Variants in CACNA2D3 observed in about 807,000 individuals in gnomAD.
CACNA2D3 encodes calcium voltage-gated channel auxiliary subunit alpha2delta 3, also known as voltage-dependent calcium channel subunit alpha-2/delta-3.
CACNA2D3 carries 60 observed loss-of-function variants against 160.6 expected under a neutral mutation model. The observed-to-expected ratio is 0.37, with a 90% confidence interval of 0.30 to 0.46. The LOEUF (loss-of-function observed/expected upper bound fraction) is 0.46, where lower values mean the gene tolerates loss of function less well. Among genes scored for constraint, CACNA2D3 ranks in the 20% least tolerant of loss-of-function variants. The pLI is 1.00. For missense variants in CACNA2D3, 1,205 were observed against 1,365.0 expected, an observed-to-expected ratio of 0.88 and a Z score of 1.85; for synonymous variants, 558 against 492.9, an observed-to-expected ratio of 1.13 and a Z score of -1.75.
chr3:54,914,419 C>T (rs1003388329), intron 27 of CACNA2D3, among the ~76,000 whole-genome samples: 1 of 152,124 alleles, frequency 6.6e-6, no homozygotes. Context: ...TCTCTAAGAC[C>T]CTTCTCAGAT....
intron 2 of CACNA2D3, among the ~76,000 whole-genome samples, chr3:54,173,989 A>G (rs2107314695): frequency 6.6e-6 from 1 of 152,318 alleles, no homozygotes; most frequent in Admixed American, 6.5e-5. Context: ...GTTTGATGCT[A>G]GCTAATTGGA....
intron 2 of CACNA2D3, among the ~76,000 whole-genome samples, chr3:54,220,748 G>A (rs753989320): frequency 1.2e-4 from 18 of 152,204 alleles, no homozygotes; most frequent in South Asian, 4.1e-4. Context: ...ACCGTGACAC[G>A]TTTGGGCTGT....
At chr3:54,578,007 C>T (rs757191454) in intron 8 of CACNA2D3, among the ~76,000 whole-genome samples, 64 of 152,270 alleles carry the variant, frequency 4.2e-4, no homozygotes, top group Non-Finnish European at 7.8e-4. Flanking sequence ...ATTTCCTTAC[C>T]GTGTAGTTGG....
rs1157056033 is a variant in CACNA2D3 at position 54,376,707 on chromosome 3, C to CTGCT, written c.322-10008_322-10007insTGCT. Among the ~76,000 whole-genome samples the CTGCT allele has an allele frequency of 3.9e-5, 6 of 152,270 alleles. No individual in the cohort carries two copies. In the East Asian group the frequency reaches 1.2e-3, roughly 29 times the overall value. On this transcript the variant is annotated intron_variant, in intron 3 of 37. Coordinates refer to ENST00000474759, the MANE Select transcript of CACNA2D3 (RefSeq NM_018398.3). ...CATAATTAATCATCATCATCAGCAG[C>CTGCT]AGCAGCAAGATAACATTAGTGGACA...
intron 13 of CACNA2D3, among the ~76,000 whole-genome samples, chr3:54,789,274 T>G (rs905090968): frequency 6.6e-6 from 1 of 152,196 alleles, no homozygotes; most frequent in Non-Finnish European, 1.5e-5. Context: ...AGATATGTGT[T>G]TTAAAAAAAC....
chr3:54,955,383 G>A (rs981734546), intron 27 of CACNA2D3, among the ~76,000 whole-genome samples: 4 of 152,042 alleles, frequency 2.6e-5, no homozygotes, highest in Admixed American at 1.3e-4. Flanking sequence ...TCTCTTCTCT[G>A]GTCATTGATC....
Position 54,386,391 on chromosome 3 carries a change from A to G in CACNA2D3, c.322-324A>G, listed in dbSNP as rs376246939. On this transcript the variant is annotated intron_variant, in intron 3 of 37. Coordinates refer to ENST00000474759, the MANE Select transcript of CACNA2D3 (RefSeq NM_018398.3). ...AGGGCGTTCTATACCTAAGGAATGCACTATGCTAGGTGGGTTTTGGATCTG... is the reference window on the plus strand; with the variant it reads ...AGGGCGTTCTATACCTAAGGAATGCGCTATGCTAGGTGGGTTTTGGATCTG... Among the ~76,000 whole-genome samples, 17 of 152,374 alleles carry G rather than the reference A, an allele frequency of 1.1e-4. No homozygotes were observed. In the South Asian group the frequency reaches 3.3e-3, roughly 30 times the overall value.
intron 9 of CACNA2D3, among the ~76,000 whole-genome samples, chr3:54,583,442 A>G (rs1056312031): frequency 6.6e-6 from 1 of 152,218 alleles, no homozygotes; most frequent in Admixed American, 6.5e-5. Context: ...TGGAGTAACC[A>G]TATTCCAATG....
intron 14 of CACNA2D3, among the ~76,000 whole-genome samples, chr3:54,822,747 T>TTTCC (rs1432873301): frequency 1.5e-5 from 1 of 64,830 alleles, no homozygotes; most frequent in South Asian, 5.6e-4. Flanking sequence ...TCTTTCTTTC[T>TTTCC]TTCTTTCTTT....
At chr3:54,901,980 G>A (rs977391068) in intron 27 of CACNA2D3, among the ~76,000 whole-genome samples, 6 of 152,166 alleles carry the variant, frequency 3.9e-5, no homozygotes, top group Non-Finnish European at 5.9e-5. Flanking sequence ...AGTAGACACT[G>A]TTTACCACTC....
intron 34 of CACNA2D3, among the ~76,000 whole-genome samples, chr3:55,013,435 A>G (rs1703254266): frequency 6.6e-6 from 1 of 152,240 alleles, no homozygotes; most frequent in South Asian, 2.1e-4. Flanking sequence ...AGCAAAGGTG[A>G]ATTCGTCCAT....
At chr3:54,811,237 A>G (rs889721635) in intron 13 of CACNA2D3, among the ~76,000 whole-genome samples, 6 of 152,050 alleles carry the variant, frequency 3.9e-5, no homozygotes. Context: ...GTTTTTCCTC[A>G]ACTGTGCTTC....
intron 11 of CACNA2D3, among the ~76,000 whole-genome samples, chr3:54,737,691 G>C (rs1701561518): frequency 6.6e-6 from 1 of 152,156 alleles, no homozygotes; most frequent in East Asian, 1.9e-4. Context: ...TTGAGATGGA[G>C]TCTCACTCTG....
At chr3:54,803,997 G>A (rs1019428980) in intron 13 of CACNA2D3, among the ~76,000 whole-genome samples, 2 of 151,954 alleles carry the variant, frequency 1.3e-5, no homozygotes, top group African/African-American at 2.4e-5. Context: ...TTACAGACAA[G>A]CAAATGCTGA....
At chr3:54,288,434 C>G (rs1020173990) in intron 2 of CACNA2D3, among the ~76,000 whole-genome samples, 3 of 152,138 alleles carry the variant, frequency 2.0e-5, no homozygotes, top group Non-Finnish European at 4.4e-5. Context: ...AAATCAATAG[C>G]TTACCCACCA....
intron 31 of CACNA2D3, among the ~76,000 whole-genome samples, chr3:55,001,619 T>C (rs1702980533): frequency 6.6e-6 from 1 of 152,238 alleles, no homozygotes; most frequent in African/African-American, 2.4e-5. Flanking sequence ...ACTTCAAAGA[T>C]GGCATTTTCA....
At chr3:55,011,680 T>A (rs1267420666) in intron 34 of CACNA2D3, among the ~76,000 whole-genome samples, 2 of 151,810 alleles carry the variant, frequency 1.3e-5, no homozygotes, top group Non-Finnish European at 2.9e-5. Context: ...CTAATTAGGG[T>A]CAGTAGTTGG....
At chr3:54,348,812 T>C (rs1229150719) in intron 3 of CACNA2D3, among the ~76,000 whole-genome samples, 2 of 152,146 alleles carry the variant, frequency 1.3e-5, no homozygotes, top group Admixed American at 1.3e-4. Context: ...CACTGCAACC[T>C]CCACCTCCCA....
chr3:54,245,547 C>G (rs1168437795), intron 2 of CACNA2D3, among the ~76,000 whole-genome samples: 1 of 152,194 alleles, frequency 6.6e-6, no homozygotes, highest in Non-Finnish European at 1.5e-5. Flanking sequence ...TTCCACTTCA[C>G]TGACTTGGCA....
Sources: gnomAD v4.1 joint callset for allele counts (sites outside exome capture counted in the v4.1 genomes callset) on GRCh38, gnomAD v4.1.1 for gene constraint, MANE v1.5 for transcripts, NCBI Gene and HGNC (gene_info 2026-07-23, HGNC 2026-07-21) for gene names.